The following CA1 variants were observed in gnomAD, a reference collection of about 807,000 sequenced individuals.
CA1 encodes the protein carbonic anhydrase 1.
A neutral mutation model predicts 28.8 loss-of-function variants in CA1; 27 were observed. The ratio of observed to expected loss-of-function variants is 0.94; its 90% CI spans 0.69 to 1.29. The LOEUF (loss-of-function observed/expected upper bound fraction) is 1.29. CA1 is among the 50% of genes most tolerant of loss of function. The pLI, the probability that CA1 is intolerant of heterozygous loss-of-function variation, is 0.00. For missense variants in CA1, 335 were observed against 310.5 expected (o/e 1.08, Z -0.59); for synonymous variants, 121 against 108.8 (o/e 1.11, Z -0.70).
chr8:85,377,542 C>T (rs76191570), intron 1 of CA1, among the ~76,000 whole-genome samples: 1 of 152,308 alleles, frequency 6.6e-6, no homozygotes, highest in Admixed American at 6.5e-5. Context: ...CAGTGGCTCA[C>T]GCCTCTAGTC....
rs201538597 is a variant in CA1, at chr8:85,332,552, C to T, written c.451G>A (p.Val151Ile). The T allele has an allele frequency of 1.6e-5, 25 of 1,610,426 alleles. No homozygotes were observed. In the East Asian group the frequency reaches 4.0e-4, roughly 26 times the overall value. ...TGCAGCTTTGGGTTGGCCTCACCAA[C>T]CTGGAGATTTAAGAAAATAAAGTAT... is the stretch of plus-strand genomic sequence containing the variant. ...GLAVIGVLMK[V>I]GEANPKLQKV... The change falls in exon 6 of 8, where the codon GTT becomes ATT. Residue 151 changes from valine (V) to isoleucine (I), a missense_variant and splice_region_variant. Transcript: ENST00000523022.
chr8:85,365,842 TA>T (rs1255047620), intron 1 of CA1, among the ~76,000 whole-genome samples: 2 of 152,110 alleles, frequency 1.3e-5, no homozygotes, highest in Non-Finnish European at 2.9e-5. Flanking sequence ...ATCAGTAGAA[TA>T]AGGAAGGCCT....
intron 1 of CA1, chr8:85,349,923 A>C (rs921980632): frequency 1.3e-5 from 2 of 152,200 alleles, no homozygotes; most frequent in Non-Finnish European, 2.9e-5. Flanking sequence ...ATTATTTATT[A>C]GGGTCTTCAC....
At chr8:85,342,961 AAG>A (rs1564028429) in intron 1 of CA1, 2 of 152,186 alleles carry the variant, frequency 1.3e-5, no homozygotes, top group African/African-American at 2.4e-5. Flanking sequence ...ACAGAGTGGG[AAG>A]AGGCCCAAGC....
intron 1 of CA1, among the ~76,000 whole-genome samples, chr8:85,356,114 A>G (rs979494486): frequency 3.9e-5 from 6 of 152,164 alleles, no homozygotes; most frequent in African/African-American, 1.2e-4. Flanking sequence ...TTCTATGACA[A>G]TCAGGAACCT....
At chr8:85,354,541 A>G (rs918459138) in intron 1 of CA1, among the ~76,000 whole-genome samples, 4 of 152,134 alleles carry the variant, frequency 2.6e-5, no homozygotes, top group African/African-American at 9.7e-5. Context: ...AAGGAAAGCA[A>G]ATAGCTTATA....
chr8:85,332,805 T>C (rs1198512437), intron 5 of CA1, among the ~76,000 whole-genome samples: 3 of 152,140 alleles, frequency 2.0e-5, no homozygotes, highest in African/African-American at 7.2e-5. Context: ...GGCAATATGT[T>C]CAAAGTTATA....
At chr8:85,334,788 C>T (rs372549378) in intron 4 of CA1, among the ~76,000 whole-genome samples, 1 of 151,984 alleles carries the variant, frequency 6.6e-6, no homozygotes, top group East Asian at 1.9e-4. Context: ...GTCAGGAGTT[C>T]GAGATCAGCC....
chr8:85,357,590 T>G (rs1809650028), intron 1 of CA1, among the ~76,000 whole-genome samples: 1 of 152,218 alleles, frequency 6.6e-6, no homozygotes, highest in Non-Finnish European at 1.5e-5. Flanking sequence ...TTATTTCAAA[T>G]TTGAAGGTAG....
chr8:85,355,690 C>T (rs987968047), intron 1 of CA1, among the ~76,000 whole-genome samples: 23 of 151,428 alleles, frequency 1.5e-4, no homozygotes, highest in Non-Finnish European at 2.8e-4. Flanking sequence ...CATGAGCCAC[C>T]GTGCCTGGCC....
chr8:85,364,700 A>G (rs1417422029), intron 1 of CA1, among the ~76,000 whole-genome samples: 1 of 152,200 alleles, frequency 6.6e-6, no homozygotes, highest in Admixed American at 6.5e-5. Context: ...AAAAGGTGCC[A>G]GAATCTTAGT....
chr8:85,347,073 G>C (rs927052818), intron 1 of CA1, among the ~76,000 whole-genome samples: 2 of 152,108 alleles, frequency 1.3e-5, no homozygotes, highest in Non-Finnish European at 2.9e-5. Flanking sequence ...GGGGGTTCTA[G>C]CTACCTAAAA....
chr8:85,328,368 A>G lies in CA1; in HGVS notation c.*192T>C. On this transcript the variant is annotated 3_prime_UTR_variant, in exon 8 of 8. Coordinates refer to ENST00000523022, the MANE Select transcript of CA1 (RefSeq NM_001128831.4). ...TTATGCTTACAGATTACTATTTGCT[A>G]GCTTACTAATTATTATTTGAATTAA... The G allele has an allele frequency of 6.7e-6, 3 of 447,882 alleles. No homozygotes were observed. The highest frequency in any genetic ancestry group is 1.2e-5 in the Non-Finnish European group (3 of 252,728). The allele number at this position is 447,882 out of a possible 1,614,324, so 27.7% of individuals were successfully genotyped here. A position where few individuals can be genotyped will look rare whatever the true frequency, so the allele number is the denominator to read the frequency against.
rs768264198 is a variant in CA1, at chr8:85,328,596, T to C, written c.750A>G (p.Gln250=). Residue 250 remains glutamine (Q), a synonymous_variant, in exon 8 of 8, where the codon CAA becomes CAG. Transcript: ENST00000523022. ...VPMQHNNRPT[Q]PLKGRTVRAS... ...CTCTCACTGTTCTGCCCTTCAGAGG[T>C]TGGGTTGGGCGGTTGTTGTGCTGCA... 26 of 1,611,450 alleles carry C rather than the reference T, an allele frequency of 1.6e-5. No homozygotes were observed. Among genetic ancestry groups the C allele is most frequent in the Non-Finnish European group, 2.2e-5 (26 of 1,178,146 alleles).
chr8:85,352,384 A>G (rs935128140), intron 1 of CA1, among the ~76,000 whole-genome samples: 6 of 152,166 alleles, frequency 3.9e-5, no homozygotes, highest in Non-Finnish European at 8.8e-5. Context: ...GGCATACCTT[A>G]GTAACATCCT....
chr8:85,370,608 T>C (rs1162664092), intron 1 of CA1, among the ~76,000 whole-genome samples: 1 of 151,892 alleles, frequency 6.6e-6, no homozygotes, highest in Non-Finnish European at 1.5e-5. Context: ...GAGATGCTTT[T>C]TATTTACAGA....
At position 85,341,553 on chromosome 8, in the gene CA1, G is replaced by A. The variant is rs1203320490; in HGVS notation, c.37+46C>T. ...ACTTAATATCTTTTCTGTTGGAAAT[G>A]GGAACAAGTTATCATTTTGATCTAT... On this transcript the variant is annotated intron_variant, in intron 2 of 7. Coordinates refer to ENST00000523022, the MANE Select transcript of CA1 (RefSeq NM_001128831.4). 3 of 1,157,866 alleles carry A rather than the reference G, an allele frequency of 2.6e-6. No individual in the cohort carries two copies. In the Admixed American group the frequency reaches 5.1e-5, roughly 20 times the overall value. The allele number at this position is 1,157,866 out of a possible 1,614,324, so 71.7% of individuals were successfully genotyped here. A position where few individuals can be genotyped will look rare whatever the true frequency, so the allele number is the denominator to read the frequency against.
chr8:85,374,934 A>G (rs1004049725), intron 1 of CA1, among the ~76,000 whole-genome samples: 1 of 152,186 alleles, frequency 6.6e-6, no homozygotes, highest in Non-Finnish European at 1.5e-5. Context: ...GGTCTCAAAA[A>G]TGCCCACAGC....
intron 1 of CA1, among the ~76,000 whole-genome samples, chr8:85,375,207 G>C (rs114280090): frequency 4.7e-4 from 71 of 152,202 alleles, no homozygotes; most frequent in Middle Eastern, 3.4e-3. Context: ...TCTCTCCACT[G>C]TGCTATTCCA....
Sources: gnomAD v4.1 joint callset for allele counts (sites outside exome capture counted in the v4.1 genomes callset) on GRCh38, gnomAD v4.1.1 for gene constraint, MANE v1.5 for transcripts, NCBI Gene and HGNC (gene_info 2026-07-23, HGNC 2026-07-21) for gene names.